Variants in TUBB8 observed in about 807,000 individuals in gnomAD.
TUBB8 encodes tubulin beta-8 chain.
TUBB8 carries 25 observed loss-of-function variants against 33.7 expected under a neutral mutation model. The observed-to-expected ratio is 0.74, with a 90% CI of 0.54 to 1.04. TUBB8 has a LOEUF of 1.04. TUBB8 is among the 50% of genes least tolerant of loss of function. TUBB8 has a pLI of 0.00. For synonymous variants in TUBB8, 245 were observed against 240.1 expected, an observed-to-expected ratio of 1.02 and a Z score of -0.19; for missense variants, 279 against 608.0, an observed-to-expected ratio of 0.46 and a Z score of 5.69.
chr10:60,387 AC>A (rs1303651485), intron 1 of TUBB8, among the ~76,000 whole-genome samples: 2 of 82,810 alleles, frequency 2.4e-5, no homozygotes, highest in Admixed American at 1.4e-4. Flanking sequence ...CAAGAAAAAA[AC>A]AAACAACTCC....
At chr10:61,839 T>C (rs1391028951) in intron 1 of TUBB8, among the ~76,000 whole-genome samples, 2 of 152,250 alleles carry the variant, frequency 1.3e-5, no homozygotes, top group Non-Finnish European at 2.9e-5. Flanking sequence ...TTTATTATTA[T>C]ATAATGACCT....
chr10:48,750 C>A (rs377516122), intron 2 of TUBB8, 25 bp from the exon 3 acceptor site: 3 of 1,606,376 alleles, frequency 1.9e-6, no homozygotes, highest in Non-Finnish European at 2.6e-6. Flanking sequence ...AGGGCATGAG[C>A]GAGGGGAGGG....
At chr10:70,192 A>C (rs1554742125) in intron 1 of TUBB8, among the ~76,000 whole-genome samples, 1 of 152,174 alleles carries the variant, frequency 6.6e-6, no homozygotes, top group African/African-American at 2.4e-5. Flanking sequence ...GGTCATAAGA[A>C]ATTGTTTAAT....
At chr10:61,490 T>C (rs577669242) in intron 1 of TUBB8, among the ~76,000 whole-genome samples, 2 of 152,354 alleles carry the variant, frequency 1.3e-5, no homozygotes, top group Admixed American at 1.3e-4. Flanking sequence ...TACTTCAAAT[T>C]TTTTTAATGT....
chr10:55,908 A>C (rs566722944), intron 1 of TUBB8, among the ~76,000 whole-genome samples: 11 of 152,374 alleles, frequency 7.2e-5, no homozygotes, highest in African/African-American at 2.2e-4. Context: ...ATAATTTAAA[A>C]CCAGGTAATG....
At chr10:73,593 A>G (rs1295394140) in intron 1 of TUBB8, among the ~76,000 whole-genome samples, 4 of 151,886 alleles carry the variant, frequency 2.6e-5, no homozygotes, top group African/African-American at 9.6e-5. Flanking sequence ...CAGTGAGCCG[A>G]GATCGCGCCA....
intron 1 of TUBB8, among the ~76,000 whole-genome samples, chr10:63,398 C>T (rs1356812888): frequency 6.6e-6 from 1 of 152,226 alleles, no homozygotes; most frequent in Non-Finnish European, 1.5e-5. Flanking sequence ...ACTCTTATCT[C>T]TTTTTCTACC....
At chr10:70,980 G>C (rs1834728698) in intron 1 of TUBB8, among the ~76,000 whole-genome samples, 1 of 152,128 alleles carries the variant, frequency 6.6e-6, no homozygotes, top group African/African-American at 2.4e-5. Context: ...GATTAGCATA[G>C]AAAAGCTTGG....
Position 47,369 on chromosome 10 carries a change from A to G in TUBB8, c.1023T>C (p.Phe341=), listed in dbSNP as rs782526256. The G allele has an allele frequency of 4.3e-6, 7 of 1,612,968 alleles. No individual in the cohort carries two copies. The highest frequency in any genetic ancestry group is 4.5e-5 in the East Asian group (2 of 44,890). ...FNIQDKNSSY[F]ADWLPNNVKT... is the part of the protein sequence containing the mutation. Reference sequence around the variant, plus strand: ...TTACGTTGTTGGGGAGCCAGTCAGCAAAGTAACTGCTGTTCTTATCTTGAA... The same window carrying G: ...TTACGTTGTTGGGGAGCCAGTCAGCGAAGTAACTGCTGTTCTTATCTTGAA... Residue 341 remains phenylalanine, a synonymous_variant, in exon 4 of 4, where the codon TTT becomes TTC. Coordinates refer to ENST00000568584, the MANE Select transcript of TUBB8 (RefSeq NM_177987.3).
upstream of TUBB8, chr10:49,641 T>C (rs1243310167): frequency 2.3e-5 from 11 of 468,506 alleles, no homozygotes; most frequent in African/African-American, 7.9e-5. Flanking sequence ...ATTTTTGTAA[T>C]TGATGAGTCT....
intron 1 of TUBB8, among the ~76,000 whole-genome samples, chr10:71,133 GA>G (rs1834730341): frequency 6.6e-6 from 1 of 151,998 alleles, no homozygotes; most frequent in Non-Finnish European, 1.5e-5. Context: ...CCAGCATGGT[GA>G]AACCCCGCCT....
chr10:62,598 A>G (rs1451141363), intron 1 of TUBB8, among the ~76,000 whole-genome samples: 11 of 152,354 alleles, frequency 7.2e-5, no homozygotes, highest in African/African-American at 2.4e-4. Flanking sequence ...CTGTACCTTC[A>G]GATGACTTCT....
rs535577400 is a variant in TUBB8, at chr10:66,838, T to C, written c.-846+7131A>G. ...AAATCAAAAAATTAGCCAGATGTGC[T>C]GGTGCATACCTGTAGCCCCAGCTAC... On this transcript the variant is annotated intron_variant, in intron 1 of 3. Coordinates refer to the TUBB8 transcript ENST00000564130. Among the ~76,000 whole-genome samples the C allele has an allele frequency of 3.9e-5, 6 of 152,128 alleles. No individual in the cohort carries two copies. The South Asian group carries it at 1.3e-3, about 32-fold the overall frequency.
At chr10:74,596 C>A (rs1182383067), upstream of TUBB8, among the ~76,000 whole-genome samples, 2 of 137,224 alleles carry the variant, frequency 1.5e-5, no homozygotes, top group African/African-American at 5.3e-5. Flanking sequence ...CACTGCACTC[C>A]AGCCTGGCGA....
In TUBB8 at chr10:48,864, A is replaced by G; in HGVS notation, c.106T>C (p.Tyr36His). 6.3e-7 allele frequency: 1 copy of G among 1,589,926 alleles called. No homozygotes were observed. The highest frequency in any genetic ancestry group is 8.5e-7 in the Non-Finnish European group (1 of 1,169,862). Residue 36 changes from tyrosine to histidine, a missense_variant, in exon 2 of 4, where the codon TAC becomes CAC. Around this residue, in one of 4 missense-constraint regions of TUBB8, gnomAD observed 56 missense variants for 77.9 expected, o/e 0.72. Transcript: ENST00000568584. Reference protein sequence around the residue: ...DEHAIDSAGTYHGDSHLQLER... With the variant: ...DEHAIDSAGTHHGDSHLQLER... ...AGCTGCAGGTGGCTGTCCCCGTGGT[A>G]GGTGCCAGCGGAGTCGATGGCATGT... is the stretch of plus-strand genomic sequence containing the variant.
intron 1 of TUBB8, among the ~76,000 whole-genome samples, chr10:67,376 T>G (rs1370027316): frequency 6.6e-6 from 1 of 152,236 alleles, no homozygotes; most frequent in East Asian, 1.9e-4. Flanking sequence ...TTTCTTGAAT[T>G]TACTTCAGCA....
intron 2 of TUBB8, 29 bp from the exon 3 acceptor site, chr10:48,754 G>A (rs782407922): frequency 6.2e-6 from 10 of 1,608,052 alleles, no homozygotes; most frequent in Non-Finnish European, 7.7e-6. Context: ...CATGAGCGAG[G>A]GGAGGGCCGC....
intron 1 of TUBB8, among the ~76,000 whole-genome samples, chr10:60,783 T>C (rs1439760185): frequency 6.6e-6 from 1 of 152,102 alleles, no homozygotes; most frequent in African/African-American, 2.4e-5. Context: ...ACACGTATGT[T>C]TATTGCGGCA....
rs553826409 is a variant in TUBB8 at position 58,981 on chromosome 10, G to A, written c.-845-8748C>T. Among the ~76,000 whole-genome samples, 4 of 152,266 alleles carry A rather than the reference G, an allele frequency of 2.6e-5. No homozygotes were observed. In the East Asian group the frequency reaches 7.7e-4, roughly 29 times the overall value. ...ATTATGTTGAATAACAGTGGTAAAA[G>A]TGGATATTCTTGTCATCTTCCAGAG... is the stretch of plus-strand genomic sequence containing the variant. On this transcript the variant is annotated intron_variant, in intron 1 of 3. Coordinates refer to the TUBB8 transcript ENST00000564130.
Sources: allele counts gnomAD v4.1 joint callset (sites outside exome capture counted in the v4.1 genomes callset), GRCh38; gene constraint gnomAD v4.1.1; regional missense constraint gnomAD v4.1.1; transcripts MANE v1.5; gene names NCBI Gene and HGNC (gene_info 2026-07-23, HGNC 2026-07-21).